The following GRAMD1B variants were observed in gnomAD, a reference collection of about 807,000 sequenced individuals.
The protein encoded by GRAMD1B is protein Aster-B.
In GRAMD1B, 37 loss-of-function variants were observed where a neutral mutation model predicts 99.7. That is an observed-to-expected ratio of 0.37 (90% CI 0.29 to 0.49). The LOEUF (loss-of-function observed/expected upper bound fraction) is 0.49. Among genes scored for constraint, GRAMD1B ranks in the 20% least tolerant of loss-of-function variants. The probability of loss-of-function intolerance (pLI) is 0.98; values close to 1 mark genes in which losing one functional copy is unlikely to be tolerated. For missense variants in GRAMD1B, 888 were observed against 1,009.2 expected, an observed-to-expected ratio of 0.88 and a Z score of 1.63; for synonymous variants, 427 against 387.6, an observed-to-expected ratio of 1.10 and a Z score of -1.19.
chr11:123,616,982 C>T (rs1032407328), intron 17 of GRAMD1B, among the ~76,000 whole-genome samples: 5 of 152,196 alleles, frequency 3.3e-5, no homozygotes, highest in African/African-American at 1.2e-4. Flanking sequence ...CCTGAGAACA[C>T]AGCAGCCCCA....
chr11:123,462,892 A>T (rs968899863), intron 1 of GRAMD1B, among the ~76,000 whole-genome samples: 12 of 109,272 alleles, frequency 1.1e-4, no homozygotes, highest in Non-Finnish European at 1.7e-4. Context: ...AAAATAAATT[A>T]AAAAAAAAAA....
chr11:123,621,525 C>T (rs1478501487), intron 19 of GRAMD1B, among the ~76,000 whole-genome samples: 4 of 152,172 alleles, frequency 2.6e-5, no homozygotes, highest in Non-Finnish European at 5.9e-5. Context: ...TGACTGCAGT[C>T]CAGAGCCTGA....
At chr11:123,583,610 G>A (rs921833827) in intron 3 of GRAMD1B, among the ~76,000 whole-genome samples, 1 of 152,154 alleles carries the variant, frequency 6.6e-6, no homozygotes, top group Admixed American at 6.5e-5. Flanking sequence ...GACACATTCA[G>A]GTCCCCTTCC....
chr11:123,457,184 G>A (rs1200296096), intron 1 of GRAMD1B, among the ~76,000 whole-genome samples: 3 of 140,820 alleles, frequency 2.1e-5, no homozygotes, highest in Non-Finnish European at 4.7e-5. Context: ...GTGAAGTATC[G>A]GCTCATGATT....
Position 123,622,559 on chromosome 11 carries a change from G to T in GRAMD1B, c.2598G>T (p.Thr866=), listed in dbSNP as rs1319023753. 6.4e-7 allele frequency: 1 copy of T among 1,557,844 alleles called. No individual in the cohort carries two copies. Among genetic ancestry groups the T allele is most frequent in the South Asian group, 1.2e-5 (1 of 84,326 alleles). The change falls in exon 20 of 20, where the codon ACG becomes ACT. Residue 866 remains threonine (T), a synonymous_variant. Transcript: ENST00000635736. ...ACGGCATCAGGTCCCGCGACTACAC[G>T]TCGGAAAGTGAAGAAAAGAGGAATC... ...LQNGIRSRDY[T]SESEEKRNRY...
intron 2 of GRAMD1B, among the ~76,000 whole-genome samples, chr11:123,490,689 G>A (rs735665): frequency 0.15 from 22,622 of 152,176 alleles, 2,171 homozygotes; most frequent in Admixed American, 0.23. Context: ...GTGAGAGAAG[G>A]GAGGTGTTCA....
chr11:123,415,095 C>CTTTTTTTT (rs1175202539), intron 1 of GRAMD1B, among the ~76,000 whole-genome samples: 28 of 75,832 alleles, frequency 3.7e-4, no homozygotes, highest in Middle Eastern at 0.011. Flanking sequence ...CTTTTTCTTT[C>CTTTTTTTT]TTTTTTTTTT....
intron 1 of GRAMD1B, among the ~76,000 whole-genome samples, chr11:123,375,411 G>A (rs1311572222): frequency 6.6e-6 from 1 of 151,986 alleles, no homozygotes; most frequent in East Asian, 1.9e-4. Context: ...AAAAAAAAAA[G>A]AGAGAGAGAC....
At chr11:123,568,510 G>A in intron 2 of GRAMD1B, among the ~76,000 whole-genome samples, 1 of 152,254 alleles carries the variant, frequency 6.6e-6, no homozygotes, top group South Asian at 2.1e-4. Context: ...AAACGGAGGA[G>A]AGGGGACAAG....
intron 1 of GRAMD1B, among the ~76,000 whole-genome samples, chr11:123,420,680 A>T (rs1303989632): frequency 1.3e-5 from 2 of 152,236 alleles, no homozygotes; most frequent in Non-Finnish European, 2.9e-5. Context: ...ATGTCTTCAC[A>T]AACGATGACA....
chr11:123,552,114 G>A (rs1487984104), intron 2 of GRAMD1B, among the ~76,000 whole-genome samples: 1 of 152,078 alleles, frequency 6.6e-6, no homozygotes, highest in Non-Finnish European at 1.5e-5. Context: ...CTCCTCTGGA[G>A]AAGAACACTT....
intron 2 of GRAMD1B, among the ~76,000 whole-genome samples, chr11:123,545,687 A>G (rs1944983230): frequency 6.6e-6 from 1 of 152,258 alleles, no homozygotes; most frequent in African/African-American, 2.4e-5. Flanking sequence ...ATATTTATAA[A>G]GTTCTTACAA....
intron 1 of GRAMD1B, among the ~76,000 whole-genome samples, chr11:123,451,799 T>C (rs545718663): frequency 6.6e-6 from 1 of 151,948 alleles, no homozygotes; most frequent in Admixed American, 6.6e-5. Flanking sequence ...AGATGTAGTC[T>C]AGTTTATTTA....
In GRAMD1B at chr11:123,583,279, A is replaced by ATG. The variant is rs535007705; in HGVS notation, c.664-1024_664-1023dup. Among the ~76,000 whole-genome samples, 47 of 137,374 alleles carry ATG rather than the reference A, an allele frequency of 3.4e-4. No homozygotes were observed. The East Asian group carries it at 0.011, about 32-fold the overall frequency. The allele number at this position is 137,374 out of a possible 152,430, so 90.1% of individuals were successfully genotyped here. A position where few individuals can be genotyped will look rare whatever the true frequency, so the allele number is the denominator to read the frequency against. On this transcript the variant is annotated intron_variant, in intron 3 of 19. Coordinates refer to ENST00000635736, the MANE Select transcript of GRAMD1B (RefSeq NM_001387025.1). The stretch of plus-strand genomic sequence containing the variant: ...TGTGCACATGCGCATGTGTGTGTGC[A>ATG]TGTGTGTGTGGTGTGTGTGAATGTG...
At chr11:123,502,140 A>T (rs910555711) in intron 2 of GRAMD1B, among the ~76,000 whole-genome samples, 6 of 152,152 alleles carry the variant, frequency 3.9e-5, no homozygotes, top group Admixed American at 2.0e-4. Context: ...GCTGCTAGGG[A>T]TCTGTGAGCA....
In GRAMD1B at chr11:123,625,556, G is replaced by T. The variant is rs974194420; in HGVS notation, c.*2961G>T. On this transcript the variant is annotated 3_prime_UTR_variant, in exon 20 of 20. Transcript: ENST00000635736. ...ACATCTCAGGCCAGCAAGATCAGCT[G>T]CTTGAAGCTCTGTGTAAGAGCACTG... The T allele has an allele frequency of 1.3e-5, 2 of 152,202 alleles. No individual in the cohort carries two copies. The highest frequency in any genetic ancestry group is 2.9e-5 in the Non-Finnish European group (2 of 68,056). 9.4% of individuals were successfully genotyped at this position (152,202 alleles called of 1,614,324 possible). A position where few individuals can be genotyped will look rare whatever the true frequency, so the allele number is the denominator to read the frequency against.
Position 123,627,045 on chromosome 11 carries a change from T to A in GRAMD1B, c.*4450T>A, listed in dbSNP as rs1439694206. On this transcript the variant is annotated 3_prime_UTR_variant, in exon 20 of 20. Transcript: ENST00000635736. ...AGCTCCGGGGTCTTGTGACTGGAGATCCTCAACAGGCCCTGGAGCCAGGAC... is the reference window on the plus strand; with the variant it reads ...AGCTCCGGGGTCTTGTGACTGGAGAACCTCAACAGGCCCTGGAGCCAGGAC... The A allele has an allele frequency of 6.6e-6, 1 of 152,236 alleles. No individual in the cohort carries two copies. The highest frequency in any genetic ancestry group is 1.5e-5 in the Non-Finnish European group (1 of 68,080). 9.4% of individuals were successfully genotyped at this position (152,236 alleles called of 1,614,324 possible).
Position 123,417,927 on chromosome 11 carries a change from AT to A in GRAMD1B, c.-176+59133del, listed in dbSNP as rs1363441773. Reference sequence around the variant, plus strand: ...AGGCACATGCCTCTATGCCTGGCTAATTTTTAAAATTATTTTTTGTAGAGAT... The same window carrying A: ...AGGCACATGCCTCTATGCCTGGCTAATTTTAAAATTATTTTTTGTAGAGAT... On this transcript the variant is annotated intron_variant, in intron 1 of 20. Coordinates refer to the GRAMD1B transcript ENST00000638157. Among the ~76,000 whole-genome samples, 2 of 152,066 alleles carry A rather than the reference AT, an allele frequency of 1.3e-5. 1 individual carries two copies. The highest frequency in any genetic ancestry group is 2.9e-5 in the Non-Finnish European group (2 of 68,022).
At chr11:123,585,163 G>T (rs1440626404) in intron 4 of GRAMD1B, among the ~76,000 whole-genome samples, 2 of 152,156 alleles carry the variant, frequency 1.3e-5, no homozygotes, top group East Asian at 1.9e-4. Flanking sequence ...AGCCATCTTT[G>T]CCCCCTCCCC....
Sources: allele counts gnomAD v4.1 joint callset (sites outside exome capture counted in the v4.1 genomes callset), GRCh38; gene constraint gnomAD v4.1.1; transcripts MANE v1.5; gene names NCBI Gene and HGNC (gene_info 2026-07-23, HGNC 2026-07-21).